The following MBLAC2 variants were observed in gnomAD, a reference collection of about 807,000 sequenced individuals.
MBLAC2 encodes the protein acyl-coenzyme A thioesterase MBLAC2.
A neutral mutation model predicts 23.3 loss-of-function variants in MBLAC2; 24 were observed. That is an observed-to-expected ratio of 1.03 (90% confidence interval 0.75 to 1.45). The LOEUF (loss-of-function observed/expected upper bound fraction) is 1.45. Among genes scored for constraint, MBLAC2 ranks in the 40% most tolerant of loss-of-function variants. The pLI is 0.00. For missense variants in MBLAC2, 358 were observed against 370.0 expected, an observed-to-expected ratio of 0.97 and a Z score of 0.27; for synonymous variants, 162 against 150.9, an observed-to-expected ratio of 1.07 and a Z score of -0.54.
Position 90,460,032 on chromosome 5 carries a change from G to C in MBLAC2, c.*1135C>G, listed in dbSNP as rs1375904971. 1 of 152,542 alleles carries C rather than the reference G, an allele frequency of 6.6e-6. No individual in the cohort carries two copies. The highest frequency in any genetic ancestry group is 1.9e-4 in the East Asian group (1 of 5,184). The allele number at this position is 152,542 out of a possible 1,614,324, so 9.4% of individuals were successfully genotyped here. ...GCCTTTTAGCAAATTATTATTAACA[G>C]CACCAAACTAAAACTTTTTACTAAA... On this transcript the variant is annotated 3_prime_UTR_variant, in exon 2 of 2. Transcript: ENST00000316610.
At position 90,461,304 on chromosome 5, in the gene MBLAC2, A is replaced by G; in HGVS notation, c.703T>C (p.Phe235Leu). Residue 235 changes from phenylalanine to leucine, a missense_variant, in exon 2 of 2, where the codon TTT becomes CTT. Phe to Leu is a conservative substitution (Grantham distance 22, BLOSUM62 0). Coordinates refer to ENST00000316610, the MANE Select transcript of MBLAC2 (RefSeq NM_203406.2). ...EKVLPGHFNT[F>L]GAERLFRLAS... ...AATCGAAAAAGCCTTTCAGCACCAA[A>G]GGTATTGAAGTGCCCAGGAAGCACC... is the stretch of plus-strand genomic sequence containing the variant. 6.2e-7 allele frequency: 1 copy of G among 1,614,192 alleles called. No homozygotes were observed. The highest frequency in any genetic ancestry group is 8.5e-7 in the Non-Finnish European group (1 of 1,180,024).
Position 90,474,225 on chromosome 5 carries a change from A to C in MBLAC2, c.68T>G (p.Phe23Cys). The stretch of plus-strand genomic sequence containing the variant: ...GTTGGCACGGTTGCCCGACTCGTAG[A>C]AACGTTCTTGAATCCAGAAGATACC... Reference protein sequence around the residue: ...GDGIFWIQERFYESGNRANIW... With the variant: ...GDGIFWIQERCYESGNRANIW... Residue 23 changes from phenylalanine (F) to cysteine (C), a missense_variant, in exon 1 of 2, where the codon TTC (phenylalanine) becomes TGC (cysteine). Phe to Cys is a radical substitution (Grantham distance 205). Transcript: ENST00000316610. 6.2e-7 allele frequency: 1 copy of C among 1,613,326 alleles called. No individual in the cohort carries two copies. Among genetic ancestry groups the C allele is most frequent in the Non-Finnish European group, 8.5e-7 (1 of 1,179,700 alleles).
chr5:90,473,750 G>C, intron 1 of MBLAC2, 89 bp downstream of exon 1: 1 of 1,290,842 alleles, frequency 7.7e-7, no homozygotes. Context: ...CCCCTTTATG[G>C]CCACGCAAGT....
intron 1 of MBLAC2, among the ~76,000 whole-genome samples, chr5:90,462,295 TA>T (rs1750380892): frequency 1.3e-5 from 2 of 152,202 alleles, no homozygotes; most frequent in Non-Finnish European, 1.5e-5. Context: ...TCACTGGAAT[TA>T]AATTAGTATG....
At chr5:90,473,804 C>A (rs544099170) in intron 1 of MBLAC2, 35 bp downstream of exon 1, 2 of 1,543,508 alleles carry the variant, frequency 1.3e-6, no homozygotes, top group Admixed American at 3.9e-5. Flanking sequence ...AATACCCTCC[C>A]TTAACGAGAG....
rs1580178365 is a variant in MBLAC2 at position 90,458,333 on chromosome 5, T to C, written c.*2834A>G. The C allele has an allele frequency of 6.6e-6, 1 of 152,156 alleles. No homozygotes were observed. Among genetic ancestry groups the C allele is most frequent in the East Asian group, 1.9e-4 (1 of 5,196 alleles). The allele number at this position is 152,156 out of a possible 1,614,324, so 9.4% of individuals were successfully genotyped here. Reference sequence around the variant, plus strand: ...AAGAACAAATACATTTAGTCAACTATATCAGGATAACACACAAGGTTTTTG... The same window carrying C: ...AAGAACAAATACATTTAGTCAACTACATCAGGATAACACACAAGGTTTTTG... On this transcript the variant is annotated 3_prime_UTR_variant, in exon 2 of 2. Coordinates refer to ENST00000316610, the MANE Select transcript of MBLAC2 (RefSeq NM_203406.2).
rs1386077778 is a variant in MBLAC2 at position 90,458,920 on chromosome 5, T to C, written c.*2247A>G. ...GTACAATTTGAAAAACTGAAAAAAT[T>C]GGGAAATTAAAAAATAATAATGTGT... On this transcript the variant is annotated 3_prime_UTR_variant, in exon 2 of 2. Coordinates refer to ENST00000316610, the MANE Select transcript of MBLAC2 (RefSeq NM_203406.2). 1.3e-5 allele frequency: 2 copies of C among 152,506 alleles called. No individual in the cohort carries two copies. The highest frequency in any genetic ancestry group is 2.9e-5 in the Non-Finnish European group (2 of 67,994). 9.4% of individuals were successfully genotyped at this position (152,506 alleles called of 1,614,324 possible).
intron 1 of MBLAC2, among the ~76,000 whole-genome samples, chr5:90,469,348 C>T (rs1477797883): frequency 6.6e-6 from 1 of 152,164 alleles, no homozygotes; most frequent in Non-Finnish European, 1.5e-5. Flanking sequence ...AACTGGTCCT[C>T]CTACTTATTT....
rs1034120161 is a variant in MBLAC2, at chr5:90,474,385, G to A, written c.-93C>T. ...CAGGGCACTGCGGCTGTGTGAAGCG[G>A]TCTGCCTGCAGCCAGGGAGGAGGCG... On this transcript the variant is annotated 5_prime_UTR_variant, in exon 1 of 2. Coordinates refer to ENST00000316610, the MANE Select transcript of MBLAC2 (RefSeq NM_203406.2). The A allele has an allele frequency of 2.5e-6, 3 of 1,201,632 alleles. No individual in the cohort carries two copies. In the African/African-American group the frequency reaches 4.6e-5, roughly 18 times the overall value. The allele number at this position is 1,201,632 out of a possible 1,614,324, so 74.4% of individuals were successfully genotyped here.
intron 1 of MBLAC2, among the ~76,000 whole-genome samples, chr5:90,469,876 T>G (rs1750516333): frequency 6.6e-6 from 1 of 152,196 alleles, no homozygotes; most frequent in Admixed American, 6.5e-5. Flanking sequence ...ATCCCACTGC[T>G]GGGTATGTAC....
chr5:90,466,743 A>G (rs1462551012), intron 1 of MBLAC2, among the ~76,000 whole-genome samples: 6 of 152,264 alleles, frequency 3.9e-5, no homozygotes, highest in Admixed American at 6.5e-5. Context: ...AAGATGCTCA[A>G]CATCATTAGT....
Position 90,474,379 on chromosome 5 carries a change from G to T in MBLAC2, c.-87C>A. ...CACACACAGGGCACTGCGGCTGTGT[G>T]AAGCGGTCTGCCTGCAGCCAGGGAG... On this transcript the variant is annotated 5_prime_UTR_variant, in exon 1 of 2. Transcript: ENST00000316610. 1 of 1,263,124 alleles carries T rather than the reference G, an allele frequency of 7.9e-7. No homozygotes were observed. The highest frequency in any genetic ancestry group is 1.1e-6 in the Non-Finnish European group (1 of 885,840). The allele number at this position is 1,263,124 out of a possible 1,614,324, so 78.2% of individuals were successfully genotyped here.
In MBLAC2 at chr5:90,461,163, G is replaced by A. The variant is rs189798272; in HGVS notation, c.*4C>T. The A allele has an allele frequency of 1.3e-6, 2 of 1,572,916 alleles. No homozygotes were observed. Among genetic ancestry groups the A allele is most frequent in the Admixed American group, 3.8e-5 (2 of 52,354 alleles). Reference sequence around the variant, plus strand: ...TTAATCAAAATATATTATCAGTATAGATACTAGGGCGAGGTCCTAGAATTT... The same window carrying A: ...TTAATCAAAATATATTATCAGTATAAATACTAGGGCGAGGTCCTAGAATTT... On this transcript the variant is annotated 3_prime_UTR_variant, in exon 2 of 2. Transcript: ENST00000316610.
intron 1 of MBLAC2, among the ~76,000 whole-genome samples, chr5:90,466,272 T>C (rs1750444413): frequency 6.6e-6 from 1 of 152,244 alleles, no homozygotes; most frequent in Admixed American, 6.5e-5. Flanking sequence ...GACAGTCTTT[T>C]TGACAGACTG....
At chr5:90,473,638 G>A (rs879453593) in intron 1 of MBLAC2, 17 of 696,850 alleles carry the variant, frequency 2.4e-5, no homozygotes, top group Non-Finnish European at 3.6e-5. Context: ...TGCCAGAGCT[G>A]GTCTCTGGCA....
intron 1 of MBLAC2, chr5:90,472,618 T>C (rs1430181723): frequency 2.0e-5 from 3 of 152,204 alleles, no homozygotes; most frequent in African/African-American, 7.2e-5. Flanking sequence ...TTATTTGCCA[T>C]ATTGTTTGGT....
At chr5:90,464,890 G>T (rs1357953379) in intron 1 of MBLAC2, among the ~76,000 whole-genome samples, 1 of 152,170 alleles carries the variant, frequency 6.6e-6, no homozygotes, top group Non-Finnish European at 1.5e-5. Flanking sequence ...TCCTGAACTT[G>T]ATAAAAGTCA....
At position 90,461,242 on chromosome 5, in the gene MBLAC2, G is replaced by T; in HGVS notation, c.765C>A (p.His255Gln). 1 of 1,614,026 alleles carries T rather than the reference G, an allele frequency of 6.2e-7. No homozygotes were observed. Among genetic ancestry groups the T allele is most frequent in the Non-Finnish European group, 8.5e-7 (1 of 1,179,976 alleles). Residue 255 changes from histidine to glutamine, a missense_variant, in exon 2 of 2, where the codon CAC (histidine) becomes CAA (glutamine). By Grantham distance (24) the His-to-Gln change is conservative (BLOSUM62 0). Transcript: ENST00000316610. ...SNYISKAGIC[H>Q]KVSTFAMRSL... ...ATCGCATGGCAAAAGTAGAAACTTTGTGACATATCCCAGCTTTTGAAATAT... is the reference window on the plus strand; with the variant it reads ...ATCGCATGGCAAAAGTAGAAACTTTTTGACATATCCCAGCTTTTGAAATAT...
intron 1 of MBLAC2, among the ~76,000 whole-genome samples, chr5:90,470,498 G>T (rs1305445051): frequency 2.0e-5 from 3 of 151,964 alleles, no homozygotes; most frequent in South Asian, 2.1e-4. Context: ...AAGAAGGGGG[G>T]ACAAGAAGGC....
Sources: allele counts gnomAD v4.1 joint callset (sites outside exome capture counted in the v4.1 genomes callset), GRCh38; gene constraint gnomAD v4.1.1; transcripts MANE v1.5; gene names NCBI Gene and HGNC (gene_info 2026-07-23, HGNC 2026-07-21).